The following PRKG1 variants were observed in gnomAD, a reference collection of about 807,000 sequenced individuals.
PRKG1 encodes cGMP-dependent protein kinase 1.
Under a neutral mutation model 88.1 loss-of-function variants are expected in PRKG1, and 35 were observed. That is an observed-to-expected ratio of 0.40 (90% CI 0.30 to 0.53). The LOEUF is 0.53. PRKG1 is among the 20% of genes least tolerant of loss of function. The pLI is 0.59. For missense variants in PRKG1, 540 were observed against 839.8 expected, an observed-to-expected ratio of 0.64 and a Z score of 4.41; for synonymous variants, 303 against 292.5, an observed-to-expected ratio of 1.04 and a Z score of -0.37.
rs185729331 is a variant in PRKG1 at position 51,666,228 on chromosome 10, A to G, written c.593-138357A>G. On this transcript the variant is annotated intron_variant, in intron 3 of 17. Transcript: ENST00000373980. ...TTCTGACAAGCATTGCTAGGGCACA[A>G]TCTCTGCTGCTAAAATGTAGATGTC... Among the ~76,000 whole-genome samples the G allele has an allele frequency of 3.8e-3, 581 of 152,302 alleles. 2 individuals carry two copies. Among genetic ancestry groups the G allele is most frequent in the Non-Finnish European group, 6.2e-3 (422 of 68,026 alleles).
In PRKG1 at chr10:51,138,677, T is replaced by TTTG. The variant is rs1233529085; in HGVS notation, c.312-14485_312-14484insGTT. On this transcript the variant is annotated intron_variant, in intron 1 of 17. Transcript: ENST00000373980. The stretch of plus-strand genomic sequence containing the variant: ...AGTCTTTTTGGACATTGAGTTTTGT[T>TTTG]TTTTTTTTTTTTTTTTTTTTTTTTG... Among the ~76,000 whole-genome samples the TTTG allele has an allele frequency of 4.1e-4, 48 of 118,050 alleles. 1 individual carries two copies. In the Middle Eastern group the frequency reaches 0.012, roughly 29 times the overall value. 77.4% of individuals were successfully genotyped at this position (118,050 alleles called of 152,430 possible).
chr10:51,940,117 T>C (rs990122155), intron 5 of PRKG1, among the ~76,000 whole-genome samples: 2 of 151,904 alleles, frequency 1.3e-5, no homozygotes, highest in Non-Finnish European at 2.9e-5. Flanking sequence ...AGCTCTATTC[T>C]TTTTTTCATG....
rs1178469287 is a variant in PRKG1, at chr10:52,297,026, C to T, written c.*3126C>T. On this transcript the variant is annotated 3_prime_UTR_variant, in exon 18 of 18. Coordinates refer to ENST00000373980, the MANE Select transcript of PRKG1 (RefSeq NM_006258.4). The stretch of plus-strand genomic sequence containing the variant: ...AAACAAATTTAATGAAGTCAGCTAC[C>T]ATGTTGAAAATAAGGATATTAGAAC... 1 of 151,980 alleles carries T rather than the reference C, an allele frequency of 6.6e-6. No homozygotes were observed. Among genetic ancestry groups the T allele is most frequent in the Non-Finnish European group, 1.5e-5 (1 of 67,956 alleles). 9.4% of individuals were successfully genotyped at this position (151,980 alleles called of 1,614,324 possible). A position where few individuals can be genotyped will look rare whatever the true frequency, so the allele number is the denominator to read the frequency against.
chr10:51,816,059 G>A (rs1839576105), intron 4 of PRKG1, among the ~76,000 whole-genome samples: 1 of 152,152 alleles, frequency 6.6e-6, no homozygotes, highest in African/African-American at 2.4e-5. Flanking sequence ...ACTTAATTTT[G>A]ACAGCTCCTT....
intron 1 of PRKG1, among the ~76,000 whole-genome samples, chr10:51,003,161 G>A (rs1225432451): frequency 1.5e-5 from 2 of 137,914 alleles, no homozygotes; most frequent in East Asian, 2.0e-4. Flanking sequence ...TGTCTGCAGG[G>A]CCAAAACAAC....
At chr10:51,141,320 T>C (rs79621133) in intron 1 of PRKG1, among the ~76,000 whole-genome samples, 4,964 of 152,332 alleles carry the variant, frequency 0.033, 252 homozygotes, top group African/African-American at 0.11. Context: ...AACTTCTTTA[T>C]TGCTTCTCTG....
intron 2 of PRKG1, among the ~76,000 whole-genome samples, chr10:51,297,099 C>A (rs998311635): frequency 6.6e-6 from 1 of 152,066 alleles, no homozygotes; most frequent in Non-Finnish European, 1.5e-5. Flanking sequence ...CACAGTTCAT[C>A]TTCCCTGGCA....
intron 5 of PRKG1, among the ~76,000 whole-genome samples, chr10:52,001,557 A>AT (rs771939501): frequency 1.6e-4 from 25 of 151,756 alleles, no homozygotes; most frequent in East Asian, 3.9e-4. Flanking sequence ...TAGATGAGGG[A>AT]TTTTTTTTCC....
intron 3 of PRKG1, among the ~76,000 whole-genome samples, chr10:51,782,219 AT>A (rs553907542): frequency 6.6e-6 from 1 of 152,054 alleles, no homozygotes; most frequent in African/African-American, 2.4e-5. Context: ...TCAACTTATG[AT>A]TTTTTGACTT....
At chr10:51,631,649 C>G (rs1839528973) in intron 3 of PRKG1, among the ~76,000 whole-genome samples, 1 of 152,200 alleles carries the variant, frequency 6.6e-6, no homozygotes, top group African/African-American at 2.4e-5. Context: ...GCAGTTCCAC[C>G]TCTGATCATC....
chr10:52,160,859 T>C (rs914609224), intron 8 of PRKG1, among the ~76,000 whole-genome samples: 3 of 152,060 alleles, frequency 2.0e-5, no homozygotes, highest in African/African-American at 7.2e-5. Context: ...TACTAACTCA[T>C]AGTATTTCAA....
chr10:51,010,465 C>A (rs1269452432), intron 1 of PRKG1, among the ~76,000 whole-genome samples: 1 of 152,318 alleles, frequency 6.6e-6, no homozygotes, highest in African/African-American at 2.4e-5. Flanking sequence ...AAATTAAATT[C>A]ATCAATAATA....
rs558332973 is a variant in PRKG1, at chr10:51,462,849, A to G, written c.479-4874A>G. 2.0e-5 allele frequency among the ~76,000 whole-genome samples: 3 copies of G among 152,256 alleles called. No individual in the cohort carries two copies. In the East Asian group the frequency reaches 5.8e-4, roughly 29 times the overall value. ...AATTAAAATGATTTGAATTTTTTTTATATTTCTTCCTTATGAATATGGTGG... is the reference window on the plus strand; with the variant it reads ...AATTAAAATGATTTGAATTTTTTTTGTATTTCTTCCTTATGAATATGGTGG... On this transcript the variant is annotated intron_variant, in intron 2 of 17. Transcript: ENST00000373980.
chr10:51,502,877 T>C (rs1221244096), intron 3 of PRKG1, among the ~76,000 whole-genome samples: 1 of 152,204 alleles, frequency 6.6e-6, no homozygotes, highest in Non-Finnish European at 1.5e-5. Context: ...CAGATCCTGA[T>C]GCTTGGCTTA....
intron 2 of PRKG1, among the ~76,000 whole-genome samples, chr10:51,373,214 A>T (rs867092031): frequency 2.0e-5 from 3 of 152,196 alleles, no homozygotes; most frequent in South Asian, 4.1e-4. Flanking sequence ...CTATTTCTGT[A>T]TAACAAATTT....
intron 2 of PRKG1, among the ~76,000 whole-genome samples, chr10:51,430,341 A>C (rs1838726290): frequency 6.6e-6 from 1 of 152,122 alleles, no homozygotes; most frequent in Admixed American, 6.6e-5. Context: ...GGATTACTTG[A>C]GCCCAGGAGG....
chr10:52,187,239 T>TTA (rs1839223498), intron 9 of PRKG1, among the ~76,000 whole-genome samples: 2 of 152,128 alleles, frequency 1.3e-5, no homozygotes, highest in African/African-American at 4.8e-5. Flanking sequence ...TCATCTCAGT[T>TTA]TGCTTCTACA....
intron 1 of PRKG1, among the ~76,000 whole-genome samples, chr10:51,048,578 G>T (rs191346600): frequency 5.6e-4 from 86 of 152,240 alleles, no homozygotes; most frequent in Non-Finnish European, 1.1e-3. Context: ...TTCCCAAATG[G>T]TATTAAGCTT....
intron 2 of PRKG1, among the ~76,000 whole-genome samples, chr10:51,410,812 T>G (rs1422908853): frequency 6.6e-6 from 1 of 151,514 alleles, no homozygotes; most frequent in East Asian, 1.9e-4. Flanking sequence ...ATAAAAGTTT[T>G]TATTTAAAGT....
Sources: gnomAD v4.1 joint callset for allele counts (sites outside exome capture counted in the v4.1 genomes callset) on GRCh38, gnomAD v4.1.1 for gene constraint, MANE v1.5 for transcripts, NCBI Gene and HGNC (gene_info 2026-07-23, HGNC 2026-07-21) for gene names.